Variants in EP400 observed in about 807,000 individuals in gnomAD.
EP400 encodes the protein E1A-binding protein p400.
EP400 carries 105 observed loss-of-function variants against 354.1 expected under a neutral mutation model. That is an observed-to-expected ratio of 0.30 (90% CI 0.25 to 0.35). EP400 has a LOEUF of 0.35. Among genes scored for constraint, EP400 ranks in the 10% least tolerant of loss-of-function variants. The pLI is 1.00. For missense variants in EP400, 3,280 were observed against 4,121.0 expected, an observed-to-expected ratio of 0.80 and a Z score of 5.59; for synonymous variants, 1,646 against 1,716.9, an observed-to-expected ratio of 0.96 and a Z score of 1.02.
chr12:132,077,876 AC>A lies in EP400; in HGVS notation c.*204del. 2 of 692,150 alleles carry A rather than the reference AC, an allele frequency of 2.9e-6. No individual in the cohort carries two copies. 42.9% of individuals were successfully genotyped at this position (692,150 alleles called of 1,614,324 possible). The stretch of plus-strand genomic sequence containing the variant: ...CCTTATGGAGTGCCGCGTTCTCTGT[AC>A]TACGTGGCTCATGGAAAAAGTGACA... On this transcript the variant is annotated 3_prime_UTR_variant, in exon 53 of 53. Transcript: ENST00000389561.
chr12:132,007,372 A>T (rs1185867551), intron 15 of EP400, among the ~76,000 whole-genome samples: 1 of 152,214 alleles, frequency 6.6e-6, no homozygotes. Context: ...CAGGTTCCTT[A>T]GGGAATGGGC....
At position 131,981,625 on chromosome 12, in the gene EP400, C is replaced by T. The variant is rs746379866; in HGVS notation, c.1543+29C>T. On this transcript the variant is annotated intron_variant, in intron 4 of 52. Coordinates refer to ENST00000389561, the MANE Select transcript of EP400 (RefSeq NM_015409.5). ...AGGCCCAGCAGCAGAGCCAGCTCCC[C>T]GCTCAGGAGCAGGCAGCACACTGCG... 7.1e-5 allele frequency: 110 copies of T among 1,551,898 alleles called. No homozygotes were observed. The South Asian group carries it at 7.1e-4, about 10-fold the overall frequency.
chr12:132,046,245 A>T (rs1303498141), intron 39 of EP400, among the ~76,000 whole-genome samples: 2 of 152,084 alleles, frequency 1.3e-5, no homozygotes, highest in African/African-American at 2.4e-5. Context: ...ATACTTGGCC[A>T]TATATATATA....
intron 33 of EP400, 85 bp downstream of exon 33, chr12:132,043,547 C>A: frequency 6.3e-7 from 1 of 1,579,132 alleles, no homozygotes; most frequent in South Asian, 1.2e-5. Flanking sequence ...CAAGAAAAAT[C>A]ACTTTTTGAT....
chr12:131,984,489 A>G (rs1829256261), intron 5 of EP400, among the ~76,000 whole-genome samples: 1 of 152,038 alleles, frequency 6.6e-6, no homozygotes, highest in Admixed American at 6.5e-5. Context: ...TTGTACACCC[A>G]CTTTGAGAAA....
chr12:131,974,987 CAAAAAA>C (rs764013155), intron 2 of EP400, among the ~76,000 whole-genome samples: 3 of 43,328 alleles, frequency 6.9e-5, no homozygotes, highest in Non-Finnish European at 1.5e-4. Context: ...GACTCCATCT[CAAAAAA>C]AAAAAAAAAA....
chr12:131,956,658 T>C (rs562290546), intron 1 of EP400, among the ~76,000 whole-genome samples: 65 of 152,246 alleles, frequency 4.3e-4, no homozygotes, highest in African/African-American at 1.5e-3. Flanking sequence ...CTGAACCCAT[T>C]TGAAATCTTT....
intron 2 of EP400, among the ~76,000 whole-genome samples, chr12:131,969,733 T>C (rs1156870632): frequency 2.0e-5 from 3 of 152,188 alleles, no homozygotes; most frequent in Non-Finnish European, 4.4e-5. Context: ...TAGATACTCA[T>C]TGTAATGGGT....
At chr12:131,962,035 T>C in intron 2 of EP400, 81 bp downstream of exon 2, 3 of 1,440,622 alleles carry the variant, frequency 2.1e-6, no homozygotes, top group Non-Finnish European at 2.8e-6. Flanking sequence ...AGTAATAATT[T>C]ATTGAGCCTG....
At chr12:131,963,435 C>G (rs770525398) in intron 2 of EP400, 32 of 861,678 alleles carry the variant, frequency 3.7e-5, no homozygotes, top group Non-Finnish European at 5.6e-5. Context: ...TTTTTAAACC[C>G]CAAATGTCAG....
In EP400 at chr12:132,025,790, C is replaced by A; in HGVS notation, c.5000C>A (p.Pro1667His). ...KPPAGGPSPA[P>H]LTPQVGVPGR... ...CCGGCCGGCGGTCCCAGCCCTGCAC[C>A]CTTGACCCCACAAGGTAGGGTGCTC... Residue 1667 changes from proline (P) to histidine (H), a missense_variant, in exon 25 of 53, where the codon CCC becomes CAC. Pro to His is a moderately conservative substitution (Grantham distance 77). Around this residue, in one of 20 missense-constraint regions of EP400, gnomAD observed 459 missense variants for 496.9 expected, o/e 0.92. Transcript: ENST00000389561. The surrounding 1 kb of genome is among the most constrained non-coding windows in gnomAD (Gnocchi z 4.1). The A allele has an allele frequency of 6.2e-7, 1 of 1,604,236 alleles. No homozygotes were observed. Among genetic ancestry groups the A allele is most frequent in the Middle Eastern group, 1.7e-4 (1 of 6,006 alleles).
intron 47 of EP400, 74 bp downstream of exon 47, chr12:132,062,775 T>C (rs1016870860): frequency 1.0e-4 from 160 of 1,573,664 alleles, no homozygotes; most frequent in Non-Finnish European, 1.3e-4. Flanking sequence ...AGACGGTGCC[T>C]GCTTGCATGG....
chr12:132,032,068 A>G lies in EP400; in HGVS notation c.5870A>G (p.Asn1957Ser), dbSNP rs748302954. 1 of 1,614,220 alleles carries G rather than the reference A, an allele frequency of 6.2e-7. No homozygotes were observed. The highest frequency in any genetic ancestry group is 1.1e-5 in the South Asian group (1 of 91,092). The part of the protein sequence containing the change: ...VEADTVVFYD[N>S]DLNPVMDAKA... ...GCGGACACCGTCGTGTTTTATGACA[A>G]TGACCTGAATCCAGTGATGGATGCC... is the stretch of plus-strand genomic sequence containing the variant. Residue 1957 changes from asparagine to serine, a missense_variant, in exon 30 of 53, where the codon AAT (asparagine) becomes AGT (serine). Around this residue, in one of 20 missense-constraint regions of EP400, gnomAD observed 459 missense variants for 496.9 expected, o/e 0.92. Coordinates refer to ENST00000389561, the MANE Select transcript of EP400 (RefSeq NM_015409.5).
chr12:132,001,274 T>G (rs1259211897), intron 12 of EP400, among the ~76,000 whole-genome samples: 1 of 152,144 alleles, frequency 6.6e-6, no homozygotes, highest in Non-Finnish European at 1.5e-5. Context: ...GTGAGTCATC[T>G]CCAATGATAG....
intron 48 of EP400, chr12:132,066,357 C>T (rs750633268): frequency 7.2e-5 from 12 of 165,914 alleles, no homozygotes; most frequent in Admixed American, 3.9e-4. Flanking sequence ...AGAGAAAATG[C>T]GGGACGGGAG....
At position 132,044,889 on chromosome 12, in the gene EP400, A is replaced by G. The variant is rs1301727381; in HGVS notation, c.6720A>G (p.Pro2240=). 2 of 1,614,044 alleles carry G rather than the reference A, an allele frequency of 1.2e-6. No individual in the cohort carries two copies. The highest frequency in any genetic ancestry group is 1.6e-4 in the Middle Eastern group (1 of 6,084). The change falls in exon 37 of 53, where the codon CCA becomes CCG. Residue 2240 remains proline, a synonymous_variant. Transcript: ENST00000389561. Reference sequence around the variant, plus strand: ...TCATGTATGAAGCCACTCCCATCCCAGAGGCTAAGCTGCCCCCTGTGTACG... The same window carrying G: ...TCATGTATGAAGCCACTCCCATCCCGGAGGCTAAGCTGCCCCCTGTGTACG... ...MCLMYEATPI[P]EAKLPPVYVR...
Position 132,045,299 on chromosome 12 carries a change from A to G in EP400, c.6785-20A>G, listed in dbSNP as rs758290958. ...AATCTCCTGGTTTACTCTCTTGCTG[A>G]AGACTGCCTCTCTGTTCAGCTGCAG... is the stretch of plus-strand genomic sequence containing the variant. On this transcript the variant is annotated intron_variant, in intron 37 of 52. Coordinates refer to ENST00000389561, the MANE Select transcript of EP400 (RefSeq NM_015409.5). The G allele has an allele frequency of 2.5e-6, 4 of 1,613,300 alleles. No individual in the cohort carries two copies. In the East Asian group the frequency reaches 6.7e-5, roughly 27 times the overall value.
intron 51 of EP400, chr12:132,076,300 G>GT (rs1243613511): frequency 3.0e-6 from 2 of 657,766 alleles, no homozygotes; most frequent in Admixed American, 4.2e-5. Flanking sequence ...TAAATGATGA[G>GT]TGATGGCAAA....
Position 132,023,865 on chromosome 12 carries a change from G to A in EP400, c.4779G>A (p.Gln1593=), listed in dbSNP as rs745828613. ...VAQPETPVTL[Q]FQGSKFTLSH... Reference sequence around the variant, plus strand: ...AGCCAGAGACGCCGGTGACACTGCAGTTCCAGGGCAGCAAGTTCACCCTGT... The same window carrying A: ...AGCCAGAGACGCCGGTGACACTGCAATTCCAGGGCAGCAAGTTCACCCTGT... Residue 1593 remains glutamine, a synonymous_variant, in exon 24 of 53, where the codon CAG becomes CAA. Transcript: ENST00000389561. 1.1e-5 allele frequency: 17 copies of A among 1,613,434 alleles called. No homozygotes were observed. The highest frequency in any genetic ancestry group is 3.3e-5 in the Admixed American group (2 of 59,910).
Sources: gnomAD v4.1 joint callset for allele counts (sites outside exome capture counted in the v4.1 genomes callset) on GRCh38, gnomAD v4.1.1 for gene constraint, gnomAD v4.1.1 regional missense constraint, Gnocchi (gnomAD v3.1) non-coding constraint, MANE v1.5 for transcripts, NCBI Gene and HGNC (gene_info 2026-07-23, HGNC 2026-07-21) for gene names.